The following NRXN1 variants were observed in gnomAD, a reference collection of about 807,000 sequenced individuals.
NRXN1 encodes the protein neurexin 1.
A neutral mutation model predicts 150.9 loss-of-function variants in NRXN1; 39 were observed. That is an observed-to-expected ratio of 0.26 (90% CI 0.20 to 0.34). NRXN1 has a LOEUF of 0.34. Ranked by LOEUF, NRXN1 falls within the 10% of genes least tolerant of loss-of-function variation. The pLI is 1.00. For synonymous variants in NRXN1, 924 were observed against 757.0 expected, an observed-to-expected ratio of 1.22 and a Z score of -3.62; for missense variants, 1,815 against 1,949.9, an observed-to-expected ratio of 0.93 and a Z score of 1.30.
chr2:50,205,010 T>C (rs1184931232), intron 18 of NRXN1, among the ~76,000 whole-genome samples: 2 of 151,992 alleles, frequency 1.3e-5, no homozygotes, highest in Non-Finnish European at 2.9e-5. Context: ...TAATCCTATA[T>C]ATGAAGTGAA....
intron 5 of NRXN1, chr2:50,637,573 T>C (rs1314124247): frequency 6.6e-6 from 1 of 152,266 alleles, no homozygotes; most frequent in Non-Finnish European, 1.5e-5. Flanking sequence ...GAAGATACTC[T>C]GGGTAAACCC....
Position 50,915,380 on chromosome 2 carries a change from C to T in NRXN1, c.832+6489G>A, listed in dbSNP as rs577208994. On this transcript the variant is annotated intron_variant, in intron 5 of 22. Coordinates refer to ENST00000401669, the MANE Select transcript of NRXN1 (RefSeq NM_001330078.2). ...CTCCAGTCCATGAAAAAATGTCTATCTCCCTGCCTCCTTCAACCAATAAAT... is the reference window on the plus strand; with the variant it reads ...CTCCAGTCCATGAAAAAATGTCTATTTCCCTGCCTCCTTCAACCAATAAAT... Among the ~76,000 whole-genome samples, 3 of 151,666 alleles carry T rather than the reference C, an allele frequency of 2.0e-5. No individual in the cohort carries two copies. In the South Asian group the frequency reaches 6.2e-4, roughly 31 times the overall value.
At chr2:50,464,700 C>T (rs768224007) in intron 17 of NRXN1, among the ~76,000 whole-genome samples, 5 of 151,862 alleles carry the variant, frequency 3.3e-5, no homozygotes, top group Admixed American at 6.6e-5. Context: ...TAGCAGAATG[C>T]AATGTTTTGT....
intron 18 of NRXN1, among the ~76,000 whole-genome samples, chr2:50,236,473 T>C (rs1202808869): frequency 1.3e-5 from 2 of 151,274 alleles, no homozygotes; most frequent in African/African-American, 4.9e-5. Context: ...TACTAGGCAA[T>C]AACTTATTTT....
At chr2:50,482,691 A>G (rs2090559107) in intron 15 of NRXN1, among the ~76,000 whole-genome samples, 1 of 152,142 alleles carries the variant, frequency 6.6e-6, no homozygotes, top group Admixed American at 6.5e-5. Flanking sequence ...ACTGAGACCT[A>G]CTGGGCTGGG....
intron 17 of NRXN1, among the ~76,000 whole-genome samples, chr2:50,381,205 G>C (rs546903025): frequency 2.6e-5 from 4 of 151,338 alleles, no homozygotes; most frequent in Admixed American, 6.6e-5. Flanking sequence ...TAGAGAACAA[G>C]ACAAAGTTTC....
chr2:50,687,507 C>T (rs1691415005), intron 5 of NRXN1, among the ~76,000 whole-genome samples: 1 of 152,106 alleles, frequency 6.6e-6, no homozygotes. Context: ...CTTTGGCTGT[C>T]ACTGTGTCTC....
intron 19 of NRXN1, among the ~76,000 whole-genome samples, chr2:50,073,514 C>G (rs984443012): frequency 1.2e-4 from 18 of 152,238 alleles, no homozygotes; most frequent in African/African-American, 3.4e-4. Flanking sequence ...TTTCCATGAT[C>G]CAGACTTACT....
chr2:50,346,554 C>CG lies in NRXN1; in HGVS notation c.3365-109585dup, dbSNP rs1294517728. 1.9e-5 allele frequency: 17 copies of CG among 902,520 alleles called. No individual in the cohort carries two copies. The Admixed American group carries it at 3.2e-4, about 17-fold the overall frequency. 55.9% of individuals were successfully genotyped at this position (902,520 alleles called of 1,614,324 possible). A position where few individuals can be genotyped will look rare whatever the true frequency, so the allele number is the denominator to read the frequency against. ...ATTGTCTTCAAAGAGATAAGTGGCT[C>CG]GCACCAAGCACACCCAAATGCACCT... On this transcript the variant is annotated intron_variant, in intron 17 of 22. Transcript: ENST00000401669. This position sits in a 1 kb window ranked among gnomAD's most constrained non-coding sequence, Gnocchi z 5.0.
chr2:50,773,121 T>A (rs185941222), intron 5 of NRXN1, among the ~76,000 whole-genome samples: 194 of 152,214 alleles, frequency 1.3e-3, no homozygotes, highest in African/African-American at 4.4e-3. Flanking sequence ...ACCCATAATA[T>A]TTCCTGTTTC....
At chr2:50,064,673 C>A (rs1401135659) in intron 19 of NRXN1, among the ~76,000 whole-genome samples, 1 of 152,160 alleles carries the variant, frequency 6.6e-6, no homozygotes. Context: ...TCGTATTAAT[C>A]TTTTACTAAA....
At chr2:50,469,190 G>A (rs1468215588) in intron 16 of NRXN1, among the ~76,000 whole-genome samples, 1 of 151,572 alleles carries the variant, frequency 6.6e-6, no homozygotes, top group African/African-American at 2.4e-5. Context: ...GTAATCTAGT[G>A]ATTTGGGTTT....
At chr2:50,684,623 T>C (rs1690948407) in intron 5 of NRXN1, among the ~76,000 whole-genome samples, 1 of 152,196 alleles carries the variant, frequency 6.6e-6, no homozygotes, top group African/African-American at 2.4e-5. Context: ...AACTAACTCT[T>C]TCTGCCTCGA....
At chr2:50,701,182 A>G (rs1047188312) in intron 5 of NRXN1, among the ~76,000 whole-genome samples, 4 of 152,094 alleles carry the variant, frequency 2.6e-5, no homozygotes, top group Non-Finnish European at 4.4e-5. Context: ...TATTTCTACT[A>G]TCTAATTTTT....
intron 21 of NRXN1, chr2:49,972,704 G>C (rs1678165361): frequency 6.6e-6 from 1 of 152,114 alleles, no homozygotes; most frequent in African/African-American, 2.4e-5. Context: ...TTCTATTCAT[G>C]GAATTTCTTC....
intron 17 of NRXN1, among the ~76,000 whole-genome samples, chr2:50,316,950 TCAAAA>T (rs2075656866): frequency 6.6e-6 from 1 of 151,972 alleles, no homozygotes; most frequent in South Asian, 2.1e-4. Flanking sequence ...TCAATTTTCC[TCAAAA>T]TTACAATTCG....
intron 19 of NRXN1, among the ~76,000 whole-genome samples, chr2:50,069,856 T>TTTTTG (rs1186984739): frequency 9.6e-5 from 14 of 146,244 alleles, no homozygotes; most frequent in Admixed American, 2.0e-4. Flanking sequence ...GGTTTTTTTT[T>TTTTTG]TTTTTTTTTT....
Position 50,496,111 on chromosome 2 carries a change from AAG to A in NRXN1, c.2880-18_2880-17del. On this transcript the variant is annotated splice_polypyrimidine_tract_variant and intron_variant, in intron 14 of 22. Coordinates refer to ENST00000401669, the MANE Select transcript of NRXN1 (RefSeq NM_001330078.2). ...ATGTAAGTACCTGGGAAAAAAATGA[AAG>A]AGGGGAAAGTGCCATCACTTTTTAA... 1 of 1,568,604 alleles carries A rather than the reference AAG, an allele frequency of 6.4e-7. No individual in the cohort carries two copies.
At chr2:50,014,953 T>C (rs181545499) in intron 21 of NRXN1, among the ~76,000 whole-genome samples, 16 of 152,306 alleles carry the variant, frequency 1.1e-4, no homozygotes, top group Admixed American at 1.0e-3. Flanking sequence ...TTCTGTCTTT[T>C]GTTTTGCAAT....
Sources: allele counts gnomAD v4.1 joint callset (sites outside exome capture counted in the v4.1 genomes callset), GRCh38; gene constraint gnomAD v4.1.1; non-coding constraint Gnocchi (gnomAD v3.1); transcripts MANE v1.5; gene names NCBI Gene and HGNC (gene_info 2026-07-23, HGNC 2026-07-21).